Variants in RSPO3 observed in about 807,000 individuals in gnomAD.
RSPO3 encodes R-spondin-3.
A neutral mutation model predicts 36.5 loss-of-function variants in RSPO3; 17 were observed. That is an observed-to-expected ratio of 0.47 (90% confidence interval 0.32 to 0.70). The LOEUF is 0.70. RSPO3 is among the 30% of genes least tolerant of loss of function. RSPO3 has a pLI of 0.04. For missense variants in RSPO3, 294 were observed against 322.5 expected (o/e 0.91, Z 0.68); for synonymous variants, 108 against 107.0 (o/e 1.01, Z -0.06).
At chr6:127,174,687 A>T (rs1775013462) in intron 4 of RSPO3, among the ~76,000 whole-genome samples, 1 of 151,846 alleles carries the variant, frequency 6.6e-6, no homozygotes, top group Non-Finnish European at 1.5e-5. Context: ...TGTGCTACAC[A>T]ATTATTTAAC....
Position 127,153,579 on chromosome 6 carries a change from C to A in RSPO3, c.437-1662C>A, listed in dbSNP as rs147234456. Among the ~76,000 whole-genome samples, 1,158 of 152,176 alleles carry A rather than the reference C, an allele frequency of 7.6e-3. 12 individuals carry two copies. Among genetic ancestry groups the A allele is most frequent in the African/African-American group, 0.027 (1,103 of 41,546 alleles). ...AAACCTTTCATCTTCTGACTATAAA[C>A]TAATAATTACCTAAGCTGTAATTTT... On this transcript the variant is annotated intron_variant, in intron 3 of 4. Coordinates refer to ENST00000356698, the MANE Select transcript of RSPO3 (RefSeq NM_032784.5).
chr6:127,148,385 C>T (rs980383593), intron 1 of RSPO3, among the ~76,000 whole-genome samples: 5 of 151,340 alleles, frequency 3.3e-5, no homozygotes, highest in Admixed American at 6.6e-5. Context: ...ACTATGTATA[C>T]ACACACATAT....
intron 1 of RSPO3, among the ~76,000 whole-genome samples, chr6:127,121,196 G>A (rs1773837260): frequency 6.6e-6 from 1 of 152,162 alleles, no homozygotes. Flanking sequence ...CAGTTTTGGG[G>A]CCCCTGATTC....
Position 127,197,709 on chromosome 6 carries a change from T to A in RSPO3, c.*1702T>A. The A allele has an allele frequency of 1.7e-6, 1 of 594,324 alleles. No individual in the cohort carries two copies. The highest frequency in any genetic ancestry group is 2.7e-6 in the Non-Finnish European group (1 of 365,444). The allele number at this position is 594,324 out of a possible 1,614,324, so 36.8% of individuals were successfully genotyped here. On this transcript the variant is annotated 3_prime_UTR_variant, in exon 5 of 5. Transcript: ENST00000356698. ...TACAGTTCATGTAATCTACTTGGCT[T>A]AATTGATTTTCCACTTCTCTCTTCC...
chr6:127,195,528 A>AATCCT (rs1775497158), intron 4 of RSPO3, among the ~76,000 whole-genome samples: 2 of 152,214 alleles, frequency 1.3e-5, no homozygotes, highest in Non-Finnish European at 1.5e-5. Context: ...ACTTTCCATG[A>AATCCT]AACATGCATA....
intron 4 of RSPO3, among the ~76,000 whole-genome samples, chr6:127,181,865 C>T (rs1004649140): frequency 1.3e-5 from 2 of 151,810 alleles, no homozygotes; most frequent in Non-Finnish European, 2.9e-5. Context: ...TGTCTCAGTA[C>T]ATTTTTGTAT....
intron 1 of RSPO3, among the ~76,000 whole-genome samples, chr6:127,128,403 C>A (rs1476798728): frequency 5.3e-5 from 8 of 151,968 alleles, no homozygotes; most frequent in Non-Finnish European, 1.0e-4. Context: ...CTTCTCCACC[C>A]TTGAACAAAT....
In RSPO3 at chr6:127,198,389, G is replaced by A. The variant is rs1445366446; in HGVS notation, c.*2382G>A. On this transcript the variant is annotated 3_prime_UTR_variant, in exon 5 of 5. Transcript: ENST00000356698. ...CCAGTAACAGATCCTTAAGACAATAGAATCATACAGTATTCAAACCAGCAG... is the reference window on the plus strand; with the variant it reads ...CCAGTAACAGATCCTTAAGACAATAAAATCATACAGTATTCAAACCAGCAG... 6.6e-6 allele frequency among the ~76,000 whole-genome samples: 1 copy of A among 152,114 alleles called. No individual in the cohort carries two copies. The highest frequency in any genetic ancestry group is 1.5e-5 in the Non-Finnish European group (1 of 68,016).
intron 1 of RSPO3, among the ~76,000 whole-genome samples, chr6:127,137,144 C>T (rs1471620833): frequency 6.6e-6 from 1 of 152,126 alleles, no homozygotes; most frequent in Non-Finnish European, 1.5e-5. Context: ...TGTAATCCAG[C>T]ACTTTGGGAG....
chr6:127,161,482 C>G (rs1014086804), intron 4 of RSPO3, among the ~76,000 whole-genome samples: 2 of 152,082 alleles, frequency 1.3e-5, no homozygotes, highest in African/African-American at 4.8e-5. Flanking sequence ...CAAGTTTGCT[C>G]CATACCATTT....
chr6:127,155,777 A>G (rs544299786), intron 4 of RSPO3, among the ~76,000 whole-genome samples: 1 of 152,222 alleles, frequency 6.6e-6, no homozygotes, highest in South Asian at 2.1e-4. Flanking sequence ...AATGATATTT[A>G]CAAGAACAAG....
intron 1 of RSPO3, among the ~76,000 whole-genome samples, chr6:127,141,350 A>G (rs144850616): frequency 0.014 from 2,109 of 152,282 alleles, 22 homozygotes; most frequent in South Asian, 0.037. Flanking sequence ...CATGAATTCT[A>G]CAGCTAACAT....
At chr6:127,171,244 G>A (rs1007328578) in intron 4 of RSPO3, among the ~76,000 whole-genome samples, 9 of 151,656 alleles carry the variant, frequency 5.9e-5, no homozygotes, top group African/African-American at 1.9e-4. Flanking sequence ...GAAAAGCACA[G>A]TATTTTTTTC....
intron 4 of RSPO3, among the ~76,000 whole-genome samples, chr6:127,183,574 T>G (rs906651562): frequency 6.6e-6 from 1 of 152,010 alleles, no homozygotes; most frequent in African/African-American, 2.4e-5. Context: ...GTCACAGCCA[T>G]GAAATCAAGA....
intron 3 of RSPO3, among the ~76,000 whole-genome samples, chr6:127,151,748 G>C (rs1312326404): frequency 6.6e-6 from 1 of 151,982 alleles, no homozygotes; most frequent in East Asian, 1.9e-4. Context: ...GCTCATTTTG[G>C]TTAAGTTTTT....
chr6:127,167,987 C>T (rs1339924945), intron 4 of RSPO3, among the ~76,000 whole-genome samples: 1 of 152,126 alleles, frequency 6.6e-6, no homozygotes, highest in African/African-American at 2.4e-5. Flanking sequence ...ATATGTGCCA[C>T]ATTTTCTTAA....
chr6:127,132,927 T>C (rs1057507591), intron 1 of RSPO3, among the ~76,000 whole-genome samples: 3 of 152,228 alleles, frequency 2.0e-5, no homozygotes, highest in Non-Finnish European at 1.5e-5. Flanking sequence ...ATATGTCATT[T>C]AGACTAGTTA....
intron 4 of RSPO3, among the ~76,000 whole-genome samples, chr6:127,179,796 C>T (rs1326419953): frequency 6.6e-6 from 1 of 151,830 alleles, no homozygotes; most frequent in Non-Finnish European, 1.5e-5. Flanking sequence ...ACAGGCTGCT[C>T]ACAATCCTTG....
At chr6:127,178,915 G>C (rs2503325) in intron 4 of RSPO3, among the ~76,000 whole-genome samples, 4,351 of 151,884 alleles carry the variant, frequency 0.029, 118 homozygotes, top group Middle Eastern at 0.12. Flanking sequence ...CTGAAGCGGT[G>C]AACACCCAGA....
Sources: gnomAD v4.1 joint callset for allele counts (sites outside exome capture counted in the v4.1 genomes callset) on GRCh38, gnomAD v4.1.1 for gene constraint, MANE v1.5 for transcripts, NCBI Gene and HGNC (gene_info 2026-07-23, HGNC 2026-07-21) for gene names.